The following SREBF1 variants were observed in gnomAD, a reference collection of about 807,000 sequenced individuals.
SREBF1 encodes sterol regulatory element-binding protein 1.
Under a neutral mutation model 100.1 loss-of-function variants are expected in SREBF1, and 45 were observed. That is an observed-to-expected ratio of 0.45 (90% CI 0.35 to 0.58). The LOEUF (loss-of-function observed/expected upper bound fraction) is 0.58, where lower values mean the gene tolerates loss of function less well. SREBF1 is among the 20% of genes least tolerant of loss of function. The pLI is 0.00. For missense variants in SREBF1, 1,324 were observed against 1,539.4 expected (o/e 0.86, Z 2.34); for synonymous variants, 657 against 681.8 (o/e 0.96, Z 0.57).
chr17:17,815,028 T>A, intron 13 of SREBF1, 84 bp from the exon 14 acceptor site: 3 of 1,359,794 alleles, frequency 2.2e-6, no homozygotes, highest in South Asian at 1.2e-5. Flanking sequence ...GAGTACAGCC[T>A]GGCCCCTGGC....
At chr17:17,816,876 G>A in intron 9 of SREBF1, 82 bp downstream of exon 9, 3 of 1,600,394 alleles carry the variant, frequency 1.9e-6, no homozygotes, top group Non-Finnish European at 2.6e-6. Context: ...TGTGCACAGG[G>A]AGCAGGAACA....
chr17:17,832,445 C>T (rs2034916766), intron 1 of SREBF1, among the ~76,000 whole-genome samples: 1 of 152,206 alleles, frequency 6.6e-6, no homozygotes. Context: ...GCCAGCCTGG[C>T]CCCCTCTTAT....
chr17:17,813,540 T>A, intron 17 of SREBF1, 29 bp downstream of exon 17: 1 of 1,593,088 alleles, frequency 6.3e-7, no homozygotes, highest in South Asian at 1.1e-5. Flanking sequence ...TGACTCCCCG[T>A]CTTGAGGACA....
At position 17,836,986 on chromosome 17, in the gene SREBF1, T is replaced by A; in HGVS notation, c.-169A>T. On this transcript the variant is annotated 5_prime_UTR_variant, in exon 1 of 19. Transcript: ENST00000261646. ...CGCCGGCGAAAAGTTCCTCGGAAAC[T>A]GGGTTCCCCCGGCCGCAGCTCTGCT... The A allele has an allele frequency of 3.7e-6, 2 of 546,926 alleles. No individual in the cohort carries two copies. Among genetic ancestry groups the A allele is most frequent in the Non-Finnish European group, 6.0e-6 (2 of 334,272 alleles). 33.9% of individuals were successfully genotyped at this position (546,926 alleles called of 1,614,324 possible).
chr17:17,815,176 C>T (rs780767551), intron 13 of SREBF1, 45 bp downstream of exon 13: 5 of 1,567,136 alleles, frequency 3.2e-6, no homozygotes, highest in Non-Finnish European at 4.4e-6. Flanking sequence ...TTCTCAGAAT[C>T]CCGCCGGAGG....
chr17:17,813,796 C>G, intron 16 of SREBF1, 27 bp from the exon 17 acceptor site: 1 of 1,534,866 alleles, frequency 6.5e-7, no homozygotes, highest in Non-Finnish European at 8.7e-7. Context: ...GGGCAGGGGT[C>G]ACCAGGGCTC....
intron 1 of SREBF1, among the ~76,000 whole-genome samples, chr17:17,835,315 A>AG (rs1232637238): frequency 6.6e-6 from 1 of 152,192 alleles, no homozygotes; most frequent in Non-Finnish European, 1.5e-5. Context: ...AGGGCAGTGA[A>AG]GGACAACCCC....
chr17:17,813,715 G>GCCA lies in SREBF1; in HGVS notation c.2953_2955dup (p.Trp985dup). Reference sequence around the variant, plus strand: ...GCCGGGGCCGGGGGCTGCTGCTGCCGCCACAGGCTGGTGCGCACCACAAGA... The same window carrying GCCA: ...GCCGGGGCCGGGGGCTGCTGCTGCCGCCACCACAGGCTGGTGCGCACCACAAGA... On this transcript the variant is annotated inframe_insertion, in exon 17 of 19. Transcript: ENST00000261646. 1 of 1,536,264 alleles carries GCCA rather than the reference G, an allele frequency of 6.5e-7. No individual in the cohort carries two copies. The highest frequency in any genetic ancestry group is 1.4e-5 in the African/African-American group (1 of 73,138).
chr17:17,819,478 G>GT, intron 3 of SREBF1, 24 bp from the exon 4 acceptor site: 1 of 1,613,396 alleles, frequency 6.2e-7, no homozygotes, highest in East Asian at 2.2e-5. Flanking sequence ...AGGCTTGGCT[G>GT]TAAGCTGTGT....
Position 17,816,728 on chromosome 17 carries a change from A to G in SREBF1, c.1786-10T>C. ...CCTGGGCAAAGTCTCCCTGTGGATG[A>G]GGGTTTTCCAGGTGAGAAAAGTGAG... is the stretch of plus-strand genomic sequence containing the variant. On this transcript the variant is annotated splice_polypyrimidine_tract_variant and intron_variant, in intron 9 of 18. Transcript: ENST00000261646. The G allele has an allele frequency of 1.3e-6, 2 of 1,573,762 alleles. No homozygotes were observed. Among genetic ancestry groups the G allele is most frequent in the Non-Finnish European group, 1.7e-6 (2 of 1,160,596 alleles).
At chr17:17,823,637 G>GT (rs747437843) in intron 1 of SREBF1, 1 of 1,583,648 alleles carries the variant, frequency 6.3e-7, no homozygotes, top group East Asian at 2.3e-5. Context: ...TTTTGAAGCC[G>GT]TTGAGCGCTG....
In SREBF1 at chr17:17,812,760, C is replaced by A; in HGVS notation, c.3306G>T (p.Leu1102=). The part of the protein sequence containing the change: ...LASCYLPPGF[L]SAPGQRVGML... ...TGCCCACGCGCTGCCCGGGCGCCGA[C>A]AGGAAGCCGGGGGGCAGGTAGCAGG... Residue 1102 remains leucine (L), a synonymous_variant, in exon 19 of 19, where the codon CTG becomes CTT. Transcript: ENST00000261646. 1 of 1,540,450 alleles carries A rather than the reference C, an allele frequency of 6.5e-7. No homozygotes were observed. Among genetic ancestry groups the A allele is most frequent in the South Asian group, 1.2e-5 (1 of 84,896 alleles).
chr17:17,814,140 G>T, intron 16 of SREBF1, 105 bp downstream of exon 16: 1 of 1,331,932 alleles, frequency 7.5e-7, no homozygotes, highest in Non-Finnish European at 1.0e-6. Context: ...GTGCTGCTTG[G>T]GCTAACCCCA....
rs748838459 is a variant in SREBF1 at position 17,813,317 on chromosome 17, C to G, written c.3214+51G>C. On this transcript the variant is annotated intron_variant, in intron 18 of 18. Coordinates refer to ENST00000261646, the MANE Select transcript of SREBF1 (RefSeq NM_004176.5). The stretch of plus-strand genomic sequence containing the variant: ...CCTTGGTATCACATCCCATGTGCGC[C>G]CTTCCCTGCTGAGCAGACAGCACAT... The G allele has an allele frequency of 1.6e-5, 24 of 1,517,690 alleles. No individual in the cohort carries two copies. The South Asian group carries it at 2.9e-4, about 18-fold the overall frequency. The allele number at this position is 1,517,690 out of a possible 1,614,324, so 94.0% of individuals were successfully genotyped here.
intron 1 of SREBF1, among the ~76,000 whole-genome samples, chr17:17,831,329 C>A (rs567959489): frequency 6.6e-6 from 1 of 152,110 alleles, no homozygotes; most frequent in Non-Finnish European, 1.5e-5. Context: ...AACAGCCAGA[C>A]ACATGACTAG....
At chr17:17,834,931 G>A (rs1003582310) in intron 1 of SREBF1, among the ~76,000 whole-genome samples, 2 of 152,118 alleles carry the variant, frequency 1.3e-5, no homozygotes, top group African/African-American at 2.4e-5. Context: ...GGAGAATGGC[G>A]TGAACCCAGG....
At chr17:17,825,602 T>TC (rs2034437290) in intron 1 of SREBF1, among the ~76,000 whole-genome samples, 2 of 141,140 alleles carry the variant, frequency 1.4e-5, no homozygotes, top group African/African-American at 2.6e-5. Flanking sequence ...CTGGCCAATT[T>TC]CTTTTTTTTT....
intron 1 of SREBF1, among the ~76,000 whole-genome samples, chr17:17,834,343 G>A (rs1421376242): frequency 2.0e-5 from 3 of 152,134 alleles, no homozygotes; most frequent in Admixed American, 6.5e-5. Flanking sequence ...CTCTTGCTTC[G>A]ACCTCCCAAG....
intron 1 of SREBF1, among the ~76,000 whole-genome samples, chr17:17,827,597 C>T (rs1189308483): frequency 2.0e-5 from 3 of 152,160 alleles, no homozygotes; most frequent in Admixed American, 6.5e-5. Flanking sequence ...CCCGGGGGCA[C>T]AAGTGTGTGC....
Sources: gnomAD v4.1 joint callset for allele counts (sites outside exome capture counted in the v4.1 genomes callset) on GRCh38, gnomAD v4.1.1 for gene constraint, MANE v1.5 for transcripts, NCBI Gene and HGNC (gene_info 2026-07-23, HGNC 2026-07-21) for gene names.